Variants in ATP1B3 observed in about 807,000 individuals in gnomAD.
ATP1B3 encodes sodium/potassium-transporting ATPase subunit beta-3.
Under a neutral mutation model 30.2 loss-of-function variants are expected in ATP1B3, and 10 were observed. That is an observed-to-expected ratio of 0.33 (90% CI 0.20 to 0.56). The LOEUF (loss-of-function observed/expected upper bound fraction) is 0.56. Ranked by LOEUF, ATP1B3 falls within the 20% of genes least tolerant of loss-of-function variation. The pLI is 0.90. For missense variants in ATP1B3, 238 were observed against 336.7 expected (o/e 0.71, Z 2.29); for synonymous variants, 113 against 117.0 (o/e 0.97, Z 0.22).
intron 1 of ATP1B3, among the ~76,000 whole-genome samples, chr3:141,901,638 T>C (rs932416629): frequency 2.0e-5 from 3 of 152,242 alleles, no homozygotes; most frequent in Admixed American, 1.3e-4. Context: ...ATTTTCATTG[T>C]GTAATAGTTC....
chr3:141,896,698 TCTA>T (rs1934072568), intron 1 of ATP1B3, among the ~76,000 whole-genome samples: 1 of 152,172 alleles, frequency 6.6e-6, no homozygotes, highest in South Asian at 2.1e-4. Context: ...GTTAAGCTTT[TCTA>T]CTAAGTTTTT....
chr3:141,921,791 T>A, intron 5 of ATP1B3, 186 bp from the exon 6 acceptor site: 1 of 443,566 alleles, frequency 2.3e-6, no homozygotes, highest in Non-Finnish European at 4.0e-6. Flanking sequence ...AAGGGGTTAG[T>A]TAGATAATAT....
intron 1 of ATP1B3, among the ~76,000 whole-genome samples, chr3:141,879,331 C>T (rs1447222525): frequency 2.0e-5 from 3 of 152,052 alleles, no homozygotes; most frequent in Non-Finnish European, 4.4e-5. Context: ...CTAGGCCATT[C>T]ATATGTACTT....
intron 1 of ATP1B3, among the ~76,000 whole-genome samples, chr3:141,888,392 A>C (rs982855820): frequency 3.3e-5 from 5 of 152,180 alleles, no homozygotes; most frequent in Non-Finnish European, 7.3e-5. Context: ...TATGTGGAGT[A>C]TATAGAAATA....
intron 1 of ATP1B3, chr3:141,902,226 T>G (rs1934177486): frequency 7.8e-7 from 1 of 1,284,724 alleles, no homozygotes; most frequent in Non-Finnish European, 1.0e-6. Context: ...TTTGGCCACC[T>G]GGTAATTGGG....
intron 1 of ATP1B3, among the ~76,000 whole-genome samples, chr3:141,897,962 G>A (rs143122168): frequency 0.11 from 16,394 of 152,108 alleles, 1,083 homozygotes; most frequent in Middle Eastern, 0.16. Flanking sequence ...TGCCTGCCTC[G>A]GCCTCTCAAA....
intron 1 of ATP1B3, among the ~76,000 whole-genome samples, chr3:141,893,507 A>G (rs778499414): frequency 5.3e-5 from 8 of 151,926 alleles, no homozygotes; most frequent in Admixed American, 1.3e-4. Context: ...ACAATTTTTC[A>G]TATACTCCTT....
chr3:141,908,068 CTTTTT>C (rs56374653), intron 3 of ATP1B3, among the ~76,000 whole-genome samples: 1 of 109,194 alleles, frequency 9.2e-6, no homozygotes, highest in Non-Finnish European at 1.8e-5. Flanking sequence ...GCCAGGCATT[CTTTTT>C]TTTTTTTTTT....
chr3:141,886,415 T>C (rs1418831628), intron 1 of ATP1B3, among the ~76,000 whole-genome samples: 2 of 152,186 alleles, frequency 1.3e-5, no homozygotes, highest in African/African-American at 4.8e-5. Context: ...ATACCACTTA[T>C]TTCCTATAAC....
intron 6 of ATP1B3, among the ~76,000 whole-genome samples, chr3:141,922,806 AT>A (rs1228420512): frequency 2.7e-5 from 4 of 150,314 alleles, no homozygotes; most frequent in South Asian, 2.1e-4. Flanking sequence ...TCTACTAAAA[AT>A]TACAAAAAAT....
intron 1 of ATP1B3, among the ~76,000 whole-genome samples, chr3:141,896,665 T>C (rs1255818025): frequency 6.6e-6 from 1 of 152,262 alleles, no homozygotes; most frequent in Non-Finnish European, 1.5e-5. Flanking sequence ...TCTGGGTTCT[T>C]CTTCAGTTTT....
At chr3:141,911,908 C>T (rs1450311963) in intron 3 of ATP1B3, among the ~76,000 whole-genome samples, 1 of 152,188 alleles carries the variant, frequency 6.6e-6, no homozygotes, top group Non-Finnish European at 1.5e-5. Context: ...TACTGGTCAT[C>T]ACACAGTTCC....
intron 1 of ATP1B3, among the ~76,000 whole-genome samples, chr3:141,891,638 ATC>A (rs917062271): frequency 9.7e-4 from 148 of 152,146 alleles, no homozygotes; most frequent in African/African-American, 3.4e-3. Context: ...TTCATCTTAA[ATC>A]TCTCCTACTT....
intron 4 of ATP1B3, 76 bp from the exon 5 acceptor site, chr3:141,915,894 T>A (rs969744138): frequency 9.0e-5 from 105 of 1,172,914 alleles, no homozygotes; most frequent in Non-Finnish European, 1.2e-4. Context: ...TCACCCCTTG[T>A]TCCCAGCAAC....
At chr3:141,893,136 G>A (rs941437965) in intron 1 of ATP1B3, among the ~76,000 whole-genome samples, 39 of 152,050 alleles carry the variant, frequency 2.6e-4, no homozygotes, top group African/African-American at 9.2e-4. Flanking sequence ...AGCCTCTCGA[G>A]TAGCTGGGAT....
rs1185413254 is a variant in ATP1B3, at chr3:141,890,042, C to T, written c.109+13132C>T. ...AATTTCTTCAATATTTTTATATTTGCTCAATTTTAATTTTTAAAAAATGCC... is the reference window on the plus strand; with the variant it reads ...AATTTCTTCAATATTTTTATATTTGTTCAATTTTAATTTTTAAAAAATGCC... On this transcript the variant is annotated intron_variant, in intron 1 of 6. Transcript: ENST00000286371. 3.5e-5 allele frequency among the ~76,000 whole-genome samples: 5 copies of T among 144,726 alleles called. No homozygotes were observed. In the South Asian group the frequency reaches 6.5e-4, roughly 19 times the overall value. The allele number at this position is 144,726 out of a possible 152,430, so 94.9% of individuals were successfully genotyped here.
intron 4 of ATP1B3, among the ~76,000 whole-genome samples, chr3:141,914,433 A>G (rs945804185): frequency 6.6e-6 from 1 of 152,220 alleles, no homozygotes; most frequent in Admixed American, 6.5e-5. Context: ...TAATGAGCAA[A>G]GGAAGAAGCT....
At chr3:141,897,485 G>A (rs1576393350) in intron 1 of ATP1B3, among the ~76,000 whole-genome samples, 2 of 152,146 alleles carry the variant, frequency 1.3e-5, no homozygotes, top group African/African-American at 4.8e-5. Context: ...AGTTTTAATA[G>A]AAAAGACAAT....
intron 1 of ATP1B3, among the ~76,000 whole-genome samples, chr3:141,889,285 G>A (rs1933890872): frequency 1.3e-5 from 2 of 152,046 alleles, no homozygotes; most frequent in Non-Finnish European, 2.9e-5. Context: ...CCATAGTGTG[G>A]AGATTATACT....
Sources: allele counts gnomAD v4.1 joint callset (sites outside exome capture counted in the v4.1 genomes callset), GRCh38; gene constraint gnomAD v4.1.1; transcripts MANE v1.5; gene names NCBI Gene and HGNC (gene_info 2026-07-23, HGNC 2026-07-21).